The following FARS2 variants were observed in gnomAD, a reference collection of about 807,000 sequenced individuals.
The protein encoded by FARS2 is phenylalanyl-tRNA synthetase 2, mitochondrial.
FARS2 carries 40 observed loss-of-function variants against 46.4 expected under a neutral mutation model. That is an observed-to-expected ratio of 0.86 (90% CI 0.67 to 1.12). FARS2 has a LOEUF of 1.12. Among genes scored for constraint, FARS2 ranks in the 50% most tolerant of loss-of-function variants. The probability of loss-of-function intolerance (pLI) is 0.00; values close to 1 mark genes in which losing one functional copy is unlikely to be tolerated. For missense variants in FARS2, 513 were observed against 567.9 expected (o/e 0.90, Z 0.98); for synonymous variants, 234 against 214.9 (o/e 1.09, Z -0.78).
chr6:5,619,699 G>C (rs982742729), intron 6 of FARS2, among the ~76,000 whole-genome samples: 1 of 151,994 alleles, frequency 6.6e-6, no homozygotes, highest in Non-Finnish European at 1.5e-5. Context: ...ACCATGAGAG[G>C]CACCTTCTCG....
intron 1 of FARS2, among the ~76,000 whole-genome samples, chr6:5,322,304 A>G (rs1407890373): frequency 6.6e-6 from 1 of 152,238 alleles, no homozygotes; most frequent in Non-Finnish European, 1.5e-5. Flanking sequence ...TGGATAGTTA[A>G]AAAAGTTAGA....
At chr6:5,352,386 A>T (rs1376843407) in intron 1 of FARS2, among the ~76,000 whole-genome samples, 1 of 151,772 alleles carries the variant, frequency 6.6e-6, no homozygotes. Context: ...TTAAACTCTA[A>T]CTTGAAGTAC....
At chr6:5,571,423 A>G (rs1257489769) in intron 5 of FARS2, among the ~76,000 whole-genome samples, 1 of 152,226 alleles carries the variant, frequency 6.6e-6, no homozygotes, top group Non-Finnish European at 1.5e-5. Context: ...TAAAAAAGAA[A>G]GCCTCACCAA....
intron 6 of FARS2, among the ~76,000 whole-genome samples, chr6:5,702,612 C>T (rs1176717406): frequency 6.6e-6 from 1 of 152,202 alleles, no homozygotes; most frequent in Non-Finnish European, 1.5e-5. Flanking sequence ...GGTATAAGAG[C>T]TCCAGGCTAG....
intron 1 of FARS2, among the ~76,000 whole-genome samples, chr6:5,282,431 G>C (rs1052426578): frequency 6.6e-6 from 1 of 152,158 alleles, no homozygotes; most frequent in African/African-American, 2.4e-5. Context: ...GGTTGGTGGT[G>C]GTTTCAGTAG....
In FARS2 at chr6:5,514,769, C is replaced by CTT. The variant is rs748510419; in HGVS notation, c.905-30399_905-30398dup. 4.0e-4 allele frequency among the ~76,000 whole-genome samples: 57 copies of CTT among 143,408 alleles called. 1 individual carries two copies. Among genetic ancestry groups the CTT allele is most frequent in the African/African-American group, 1.5e-3 (57 of 39,232 alleles). 94.1% of individuals were successfully genotyped at this position (143,408 alleles called of 152,430 possible). Reference sequence around the variant, plus strand: ...TCTTCCCCCAAAATGACATCTGTGGCTTTTTTTTTTTTTAAGAGATGGAGT... The same window carrying CTT: ...TCTTCCCCCAAAATGACATCTGTGGCTTTTTTTTTTTTTTTAAGAGATGGAGT... On this transcript the variant is annotated intron_variant, in intron 4 of 6. Transcript: ENST00000274680.
chr6:5,568,223 C>T (rs1360150990), intron 5 of FARS2, among the ~76,000 whole-genome samples: 2 of 152,066 alleles, frequency 1.3e-5, no homozygotes. Context: ...GGTTCTGATT[C>T]ACGTTCAACT....
chr6:5,445,458 A>G (rs1175891813), intron 4 of FARS2, among the ~76,000 whole-genome samples: 5 of 152,134 alleles, frequency 3.3e-5, no homozygotes, highest in African/African-American at 2.4e-5. Flanking sequence ...GCTGGAAGCA[A>G]TGTCTTCATG....
At chr6:5,252,914 G>C in the FARS2 span, among the ~76,000 whole-genome samples, 1 of 151,934 alleles carries the variant, frequency 6.6e-6, no homozygotes, top group African/African-American at 2.4e-5. Context: ...CCTTTCCTAT[G>C]TGAGAAGAAT....
At chr6:5,498,144 G>T (rs1429631684) in intron 4 of FARS2, among the ~76,000 whole-genome samples, 1 of 152,120 alleles carries the variant, frequency 6.6e-6, no homozygotes. Context: ...TTCATTGAAT[G>T]GAATCTAGGA....
chr6:5,447,639 A>C (rs1206387418), intron 4 of FARS2, among the ~76,000 whole-genome samples: 1 of 152,216 alleles, frequency 6.6e-6, no homozygotes, highest in Non-Finnish European at 1.5e-5. Context: ...TATCCTCAAT[A>C]AATGTTTATT....
intron 1 of FARS2, among the ~76,000 whole-genome samples, chr6:5,270,745 G>A (rs1304880419): frequency 6.6e-6 from 1 of 152,146 alleles, no homozygotes; most frequent in East Asian, 1.9e-4. Flanking sequence ...AGACCCTGAC[G>A]ACTATGGCGC....
intron 1 of FARS2, among the ~76,000 whole-genome samples, chr6:5,327,433 A>C (rs554838189): frequency 6.6e-6 from 1 of 152,154 alleles, no homozygotes; most frequent in South Asian, 2.1e-4. Flanking sequence ...CATGGGAGGG[A>C]CCTGGTGGGA....
intron 6 of FARS2, among the ~76,000 whole-genome samples, chr6:5,666,852 A>G (rs569735637): frequency 6.6e-6 from 1 of 152,378 alleles, no homozygotes; most frequent in African/African-American, 2.4e-5. Context: ...GATAAAGAAA[A>G]TGTGGTACAT....
chr6:5,746,387 G>A (rs568451655), intron 6 of FARS2, among the ~76,000 whole-genome samples: 2 of 152,134 alleles, frequency 1.3e-5, no homozygotes, highest in African/African-American at 2.4e-5. Flanking sequence ...GCAGGTTTTT[G>A]TCTGCTTGCC....
At chr6:5,257,699 T>G (rs773885569), upstream of FARS2, among the ~76,000 whole-genome samples, 16 of 152,172 alleles carry the variant, frequency 1.1e-4, no homozygotes, top group Admixed American at 2.0e-4. Flanking sequence ...GTGATCTAGG[T>G]TGCATGCTCC....
At position 5,674,381 on chromosome 6, in the gene FARS2, G is replaced by A. The variant is rs116135192; in HGVS notation, c.1217+61061G>A. On this transcript the variant is annotated intron_variant, in intron 6 of 6. Transcript: ENST00000274680. Reference sequence around the variant, plus strand: ...ATTCTTAAAAAGTTAACTTCCTGTCGAGGATGTTTTTGACAGGGATATTAA... The same window carrying A: ...ATTCTTAAAAAGTTAACTTCCTGTCAAGGATGTTTTTGACAGGGATATTAA... Among the ~76,000 whole-genome samples the A allele has an allele frequency of 7.3e-3, 1,117 of 152,000 alleles. 17 individuals are homozygous for A. Among genetic ancestry groups the A allele is most frequent in the African/African-American group, 0.026 (1,062 of 41,434 alleles).
intron 6 of FARS2, among the ~76,000 whole-genome samples, chr6:5,619,283 C>T (rs967816818): frequency 5.9e-5 from 9 of 152,070 alleles, no homozygotes; most frequent in Admixed American, 3.3e-4. Context: ...TTACTACCAT[C>T]CCTTTCCTTT....
At chr6:5,681,640 G>A (rs1217872146) in intron 6 of FARS2, among the ~76,000 whole-genome samples, 2 of 152,232 alleles carry the variant, frequency 1.3e-5, no homozygotes, top group Non-Finnish European at 2.9e-5. Flanking sequence ...CCCCAAGATA[G>A]ACAAGCCCTT....
Sources: gnomAD v4.1 joint callset for allele counts (sites outside exome capture counted in the v4.1 genomes callset) on GRCh38, gnomAD v4.1.1 for gene constraint, MANE v1.5 for transcripts, NCBI Gene and HGNC (gene_info 2026-07-23, HGNC 2026-07-21) for gene names.